The following THSD7A variants were observed in gnomAD, a reference collection of about 807,000 sequenced individuals.
THSD7A encodes thrombospondin type 1 domain containing 7A, also known as thrombospondin type-1 domain-containing protein 7A.
A neutral mutation model predicts 231.3 loss-of-function variants in THSD7A; 96 were observed. The observed-to-expected ratio is 0.41, with a 90% CI of 0.35 to 0.49. The LOEUF (loss-of-function observed/expected upper bound fraction) is 0.49, where lower values mean the gene tolerates loss of function less well. THSD7A is among the 20% of genes least tolerant of loss of function. THSD7A has a pLI of 0.05. For synonymous variants in THSD7A, 940 were observed against 743.3 expected (o/e 1.26, Z -4.30); for missense variants, 2,290 against 2,070.2 (o/e 1.11, Z -2.06).
intron 6 of THSD7A, among the ~76,000 whole-genome samples, chr7:11,512,746 G>C (rs908299973): frequency 7.4e-6 from 1 of 134,832 alleles, no homozygotes; most frequent in Non-Finnish European, 1.6e-5. Context: ...CTTGGTCACA[G>C]GGTGGGGAAC....
At chr7:11,553,514 C>G (rs1789718195) in intron 4 of THSD7A, among the ~76,000 whole-genome samples, 1 of 151,978 alleles carries the variant, frequency 6.6e-6, no homozygotes, top group African/African-American at 2.4e-5. Context: ...TCTAGAATGG[C>G]CCAGTTCTTA....
chr7:11,772,670 C>T (rs1378929090), intron 1 of THSD7A, among the ~76,000 whole-genome samples: 2 of 152,120 alleles, frequency 1.3e-5, no homozygotes, highest in South Asian at 4.1e-4. Context: ...GTTGAGTATA[C>T]ATGGACACAA....
At chr7:11,437,545 T>G (rs961896645) in intron 13 of THSD7A, among the ~76,000 whole-genome samples, 1 of 152,066 alleles carries the variant, frequency 6.6e-6, no homozygotes, top group Admixed American at 6.6e-5. Context: ...GCAAAAGCAA[T>G]ACTCGCTCTA....
chr7:11,445,784 C>G (rs1253460765), intron 13 of THSD7A, among the ~76,000 whole-genome samples: 1 of 151,944 alleles, frequency 6.6e-6, no homozygotes, highest in Non-Finnish European at 1.5e-5. Context: ...CTCTGGGGGA[C>G]CGTTCTGGCA....
chr7:11,662,880 G>A (rs1378351492), intron 1 of THSD7A, among the ~76,000 whole-genome samples: 2 of 151,244 alleles, frequency 1.3e-5, no homozygotes, highest in African/African-American at 4.8e-5. Flanking sequence ...ATAAAAATGT[G>A]CCACATTAAA....
chr7:11,691,111 C>T (rs1780217006), intron 1 of THSD7A, among the ~76,000 whole-genome samples: 1 of 151,498 alleles, frequency 6.6e-6, no homozygotes, highest in Admixed American at 6.6e-5. Flanking sequence ...CTTAAGGTAA[C>T]TCCAAATGAG....
intron 4 of THSD7A, among the ~76,000 whole-genome samples, chr7:11,564,959 T>C (rs1464481833): frequency 6.6e-6 from 1 of 152,218 alleles, no homozygotes; most frequent in Non-Finnish European, 1.5e-5. Context: ...TCACAAATTG[T>C]ATCAACAGCT....
chr7:11,609,819 T>C (rs150343184), intron 2 of THSD7A, among the ~76,000 whole-genome samples: 22 of 152,224 alleles, frequency 1.4e-4, no homozygotes, highest in African/African-American at 5.3e-4. Context: ...TCAAATGTTA[T>C]GCTGCTAAAA....
chr7:11,827,694 C>G (rs1785071954), intron 1 of THSD7A, among the ~76,000 whole-genome samples: 1 of 152,052 alleles, frequency 6.6e-6, no homozygotes, highest in South Asian at 2.1e-4. Context: ...TTATTGAGTT[C>G]CATGCTTACA....
At chr7:11,645,103 G>A (rs930120370) in intron 1 of THSD7A, among the ~76,000 whole-genome samples, 1 of 151,862 alleles carries the variant, frequency 6.6e-6, no homozygotes. Context: ...ACCTTGATCA[G>A]CATTGGTTAT....
Position 11,406,520 on chromosome 7 carries a change from C to A in THSD7A, c.4063-46G>T. 1 of 1,513,052 alleles carries A rather than the reference C, an allele frequency of 6.6e-7. No individual in the cohort carries two copies. The highest frequency in any genetic ancestry group is 2.3e-5 in the East Asian group (1 of 42,784). 93.7% of individuals were successfully genotyped at this position (1,513,052 alleles called of 1,614,324 possible). A position where few individuals can be genotyped will look rare whatever the true frequency, so the allele number is the denominator to read the frequency against. ...ACTAATTAGAAAAAGAGAAATACTT[C>A]ATTAGAGAGCTCATCACTTAGTTAT... On this transcript the variant is annotated intron_variant, in intron 21 of 27. Transcript: ENST00000423059. This position sits in a 1 kb window ranked among gnomAD's most constrained non-coding sequence, Gnocchi z 4.7.
At position 11,417,462 on chromosome 7, in the gene THSD7A, G is replaced by C; in HGVS notation, c.3525C>G (p.Thr1175=). The change falls in exon 17 of 28, where the codon ACC becomes ACG. Residue 1175 remains threonine (T), a synonymous_variant. Transcript: ENST00000423059. ...TTAATCATCTCACCAAAACACATTG[G>C]GTCCATGGACCCCATTCAGATATCA... ...DCVISEWGPW[T]QCVLPCNQSS... is the part of the protein sequence containing the mutation. The C allele has an allele frequency of 1.3e-6, 2 of 1,597,470 alleles. No individual in the cohort carries two copies. Among genetic ancestry groups the C allele is most frequent in the South Asian group, 2.3e-5 (2 of 87,342 alleles).
intron 2 of THSD7A, among the ~76,000 whole-genome samples, chr7:11,606,272 T>A (rs1427366013): frequency 1.3e-5 from 2 of 152,126 alleles, no homozygotes; most frequent in African/African-American, 4.8e-5. Context: ...AGCTACATAA[T>A]AGACATGCAC....
At chr7:11,754,937 A>G (rs569619873) in intron 1 of THSD7A, among the ~76,000 whole-genome samples, 2 of 152,206 alleles carry the variant, frequency 1.3e-5, no homozygotes, top group Middle Eastern at 3.4e-3. Flanking sequence ...ACTGTATTAT[A>G]TAGTTTATGT....
At chr7:11,685,922 G>A (rs1189722705) in intron 1 of THSD7A, among the ~76,000 whole-genome samples, 5 of 151,874 alleles carry the variant, frequency 3.3e-5, no homozygotes, top group Non-Finnish European at 7.4e-5. Flanking sequence ...TTTATTGCAA[G>A]TTTATCACAT....
intron 4 of THSD7A, among the ~76,000 whole-genome samples, chr7:11,583,505 G>C (rs558301811): frequency 7.0e-4 from 107 of 152,124 alleles, no homozygotes; most frequent in African/African-American, 2.5e-3. Context: ...CGAACTCCCA[G>C]ACTCAAGTTA....
intron 4 of THSD7A, among the ~76,000 whole-genome samples, chr7:11,575,933 A>G (rs1790882302): frequency 6.6e-6 from 1 of 152,156 alleles, no homozygotes; most frequent in South Asian, 2.1e-4. Flanking sequence ...ATGAAGGCCC[A>G]CTGGTGAATT....
intron 15 of THSD7A, among the ~76,000 whole-genome samples, chr7:11,426,072 A>AG (rs1784311310): frequency 8.3e-6 from 1 of 120,038 alleles, no homozygotes; most frequent in Admixed American, 8.7e-5. Flanking sequence ...AAAAAAAAAC[A>AG]TTAAAAAAAA....
chr7:11,766,543 G>A (rs776717580), intron 1 of THSD7A, among the ~76,000 whole-genome samples: 4 of 152,118 alleles, frequency 2.6e-5, no homozygotes, highest in Non-Finnish European at 4.4e-5. Context: ...TCCTTATAGA[G>A]ATTAAACAAG....
Sources: allele counts gnomAD v4.1 joint callset (sites outside exome capture counted in the v4.1 genomes callset), GRCh38; gene constraint gnomAD v4.1.1; non-coding constraint Gnocchi (gnomAD v3.1); transcripts MANE v1.5; gene names NCBI Gene and HGNC (gene_info 2026-07-23, HGNC 2026-07-21).